The following POTEE variants were observed in gnomAD, a reference collection of about 807,000 sequenced individuals.
The protein encoded by POTEE is ANKRD26-like family C member 1A.
In POTEE, 21 loss-of-function variants were observed where a neutral mutation model predicts 74.2. That is an observed-to-expected ratio of 0.28 (90% CI 0.20 to 0.41). POTEE has a LOEUF of 0.41. POTEE is among the 10% of genes least tolerant of loss of function. POTEE has a pLI of 1.00. For synonymous variants in POTEE, 211 were observed against 432.8 expected (o/e 0.49, Z 6.36); for missense variants, 525 against 1,158.6 (o/e 0.45, Z 7.94).
chr2:131,256,876 G>C (rs374762072), intron 16 of POTEE, among the ~76,000 whole-genome samples: 1 of 152,358 alleles, frequency 6.6e-6, no homozygotes. Flanking sequence ...CGTCAGGCTT[G>C]AGATTCAATT....
chr2:131,220,484 G>C (rs1394824012), intron 4 of POTEE, among the ~76,000 whole-genome samples: 1 of 150,956 alleles, frequency 6.6e-6, no homozygotes, highest in Non-Finnish European at 1.5e-5. Context: ...GGTTACAGGC[G>C]TGAGCCACTG....
chr2:131,256,469 CA>C (rs1701576210), intron 16 of POTEE, among the ~76,000 whole-genome samples: 1 of 5,440 alleles, frequency 1.8e-4, no homozygotes, highest in East Asian at 2.3e-3. Flanking sequence ...AACTGAAAGG[CA>C]GTAAACCATC....
intron 2 of POTEE, among the ~76,000 whole-genome samples, chr2:131,216,787 AAGT>A (rs1421247410): frequency 2.0e-5 from 3 of 151,740 alleles, no homozygotes; most frequent in Non-Finnish European, 2.9e-5. Context: ...TGATAAATGA[AAGT>A]AGTAAGTCAC....
In POTEE at chr2:131,218,369, G is replaced by A. The variant is rs1178704846; in HGVS notation, c.-34G>A. On this transcript the variant is annotated 5_prime_UTR_variant, in exon 4 of 18. Transcript: ENST00000683005. Reference sequence around the variant, plus strand: ...ACTGGTTGGTAGACGCGATCTGTTGGCTACTACTGGCTTCTCCTGGCTGTT... The same window carrying A: ...ACTGGTTGGTAGACGCGATCTGTTGACTACTACTGGCTTCTCCTGGCTGTT... 1 of 1,610,938 alleles carries A rather than the reference G, an allele frequency of 6.2e-7. No homozygotes were observed. The highest frequency in any genetic ancestry group is 1.3e-5 in the African/African-American group (1 of 74,680).
Position 131,209,773 on chromosome 2 carries a change from G to A in POTEE, c.-391G>A, listed in dbSNP as rs1443199650. ...TCGCCTTGCTGTGTTTGGTGGTGAC[G>A]TGGGACACTGCAGCTCGGCCAGAGT... On this transcript the variant is annotated 5_prime_UTR_variant, in exon 1 of 18. It adds an upstream start codon to the 5' untranslated region. Transcript: ENST00000683005. 6.6e-6 allele frequency among the ~76,000 whole-genome samples: 1 copy of A among 152,210 alleles called. No homozygotes were observed.
intron 8 of POTEE, chr2:131,229,596 AG>A (rs1180286877): frequency 1.3e-5 from 2 of 152,236 alleles, no homozygotes; most frequent in Non-Finnish European, 2.9e-5. Context: ...CATGTGTAAA[AG>A]TAGGGCTTTG....
At chr2:131,209,845 C>T (rs1334885137) in intron 1 of POTEE, among the ~76,000 whole-genome samples, 26 bp downstream of exon 1, 9 of 151,506 alleles carry the variant, frequency 5.9e-5, no homozygotes, top group African/African-American at 1.5e-4. Context: ...ATGTACTGCC[C>T]GCCTGTGGGG....
intron 9 of POTEE, among the ~76,000 whole-genome samples, chr2:131,231,469 C>G (rs1001855451): frequency 6.6e-6 from 1 of 152,014 alleles, no homozygotes; most frequent in Non-Finnish European, 1.5e-5. Flanking sequence ...CCCTGCTTTG[C>G]GTGGTCCTAC....
intron 16 of POTEE, among the ~76,000 whole-genome samples, chr2:131,254,843 G>A (rs1213123819): frequency 3.3e-5 from 5 of 149,648 alleles, no homozygotes; most frequent in South Asian, 2.1e-4. Flanking sequence ...CAATTACTTC[G>A]TATATTTGAT....
intron 7 of POTEE, among the ~76,000 whole-genome samples, chr2:131,227,449 GT>G (rs1309926047): frequency 1.5e-5 from 2 of 135,376 alleles, no homozygotes; most frequent in Non-Finnish European, 3.1e-5. Flanking sequence ...CATACTGTGG[GT>G]TCAACAGCTT....
chr2:131,217,393 C>T (rs888975218), intron 2 of POTEE, among the ~76,000 whole-genome samples, 196 bp from the exon 3 acceptor site: 1 of 102,758 alleles, frequency 9.7e-6, no homozygotes, highest in African/African-American at 3.8e-5. Flanking sequence ...GCTCGGTGGG[C>T]GTCTTGTGCT....
intron 6 of POTEE, among the ~76,000 whole-genome samples, chr2:131,225,097 G>A (rs1251099297): frequency 6.6e-6 from 1 of 152,182 alleles, no homozygotes; most frequent in South Asian, 2.1e-4. Flanking sequence ...GGTGAGAAAT[G>A]AGACTGAAGT....
chr2:131,237,076 A>C (rs1701153514), intron 10 of POTEE, among the ~76,000 whole-genome samples: 2 of 151,836 alleles, frequency 1.3e-5, no homozygotes. Flanking sequence ...TATTTAAAAT[A>C]CTCTCATCTG....
chr2:131,217,653 A>T lies in POTEE; in HGVS notation c.-124A>T, dbSNP rs1700473564. ...AAGTTTGCCGGAACTCAAGGCTGTC[A>T]GTGACATTCGTGGCGCCAAGACTTA... On this transcript the variant is annotated 5_prime_UTR_variant, in exon 3 of 18. Coordinates refer to ENST00000683005, the MANE Select transcript of POTEE (RefSeq NM_001083538.3). Among the ~76,000 whole-genome samples, 1 of 146,670 alleles carries T rather than the reference A, an allele frequency of 6.8e-6. No individual in the cohort carries two copies. Among genetic ancestry groups the T allele is most frequent in the African/African-American group, 2.5e-5 (1 of 39,962 alleles).
chr2:131,219,920 A>G (rs1398015624), intron 4 of POTEE, among the ~76,000 whole-genome samples: 1 of 152,026 alleles, frequency 6.6e-6, no homozygotes, highest in African/African-American at 2.4e-5. Flanking sequence ...CATGTTATTT[A>G]TTTCCACAAA....
chr2:131,211,322 G>GAGC (rs1384347997), intron 2 of POTEE, among the ~76,000 whole-genome samples, 139 bp downstream of exon 2: 1 of 151,650 alleles, frequency 6.6e-6, no homozygotes, highest in Non-Finnish European at 1.5e-5. Flanking sequence ...GGGGGAGTAG[G>GAGC]AGCACTGCAG....
rs1298400032 is a variant in POTEE at position 131,215,253 on chromosome 2, C to T, written c.-188-2336C>T. Among the ~76,000 whole-genome samples, 12 of 151,880 alleles carry T rather than the reference C, an allele frequency of 7.9e-5. No individual in the cohort carries two copies. In the East Asian group the frequency reaches 2.1e-3, roughly 27 times the overall value. On this transcript the variant is annotated intron_variant, in intron 2 of 17. Transcript: ENST00000683005. ...TAGATATGTTTTTGATTCCTTTTTT[C>T]TATGTAAATAAATATAATTATGAGA... is the stretch of plus-strand genomic sequence containing the variant.
intron 6 of POTEE, 144 bp from the exon 7 acceptor site, chr2:131,226,679 A>G (rs1700788838): frequency 7.6e-7 from 1 of 1,315,532 alleles, no homozygotes; most frequent in Non-Finnish European, 1.0e-6. Flanking sequence ...GTGGGAAAGC[A>G]CAGAAGAGTG....
At chr2:131,235,675 C>T (rs1701106921) in intron 9 of POTEE, among the ~76,000 whole-genome samples, 2 of 150,872 alleles carry the variant, frequency 1.3e-5, no homozygotes, top group Non-Finnish European at 3.0e-5. Context: ...GCCTGTAATC[C>T]CAGCTTCTCC....
Sources: allele counts gnomAD v4.1 joint callset (sites outside exome capture counted in the v4.1 genomes callset), GRCh38; gene constraint gnomAD v4.1.1; transcripts MANE v1.5; gene names NCBI Gene and HGNC (gene_info 2026-07-23, HGNC 2026-07-21).